SYNPR: variants seen among roughly 807,000 people sequenced by gnomAD.
SYNPR encodes the protein synaptoporin.
A neutral mutation model predicts 32.9 loss-of-function variants in SYNPR; 23 were observed. The observed-to-expected ratio is 0.70, with a 90% CI of 0.50 to 0.99. The LOEUF is 0.99. Ranked by LOEUF, SYNPR falls within the 50% of genes least tolerant of loss-of-function variation. The pLI, the probability that SYNPR is intolerant of heterozygous loss-of-function variation, is 0.00. For synonymous variants in SYNPR, 146 were observed against 135.9 expected, an observed-to-expected ratio of 1.07 and a Z score of -0.52; for missense variants, 318 against 349.3, an observed-to-expected ratio of 0.91 and a Z score of 0.71.
chr3:63,414,392 G>T (rs374399438), intron 2 of SYNPR, among the ~76,000 whole-genome samples: 1 of 152,070 alleles, frequency 6.6e-6, no homozygotes, highest in South Asian at 2.1e-4. Context: ...CTTCAGCCTT[G>T]GTTCCAAGTG....
At chr3:63,335,246 G>A (rs1369337470) in intron 2 of SYNPR, among the ~76,000 whole-genome samples, 1 of 151,774 alleles carries the variant, frequency 6.6e-6, no homozygotes, top group Non-Finnish European at 1.5e-5. Flanking sequence ...CCAGCTACTC[G>A]GGAGGCTGAG....
intron 4 of SYNPR, among the ~76,000 whole-genome samples, chr3:63,589,596 G>C (rs1265411479): frequency 1.3e-5 from 2 of 150,704 alleles, no homozygotes; most frequent in African/African-American, 4.9e-5. Context: ...ACATCAAAAA[G>C]CTTATCCACC....
chr3:63,433,375 A>G (rs1413286376), intron 2 of SYNPR, among the ~76,000 whole-genome samples: 1 of 152,218 alleles, frequency 6.6e-6, no homozygotes, highest in African/African-American at 2.4e-5. Context: ...ATTTTAAGGA[A>G]GACATTGGTA....
Position 63,406,941 on chromosome 3 carries a change from A to C in SYNPR, c.85-73891A>C, listed in dbSNP as rs138544566. ...GGCCACAGATCGGTCCATGTTGACT[A>C]TCGAGAATCTAAGGAATATTAGCTC... is the stretch of plus-strand genomic sequence containing the variant. On this transcript the variant is annotated intron_variant, in intron 2 of 5. Transcript: ENST00000478300. Among the ~76,000 whole-genome samples the C allele has an allele frequency of 3.8e-3, 586 of 152,312 alleles. 4 individuals are homozygous for C. The highest frequency in any genetic ancestry group is 6.1e-3 in the Non-Finnish European group (413 of 68,010).
At chr3:63,493,724 G>A (rs1490292020) in intron 3 of SYNPR, among the ~76,000 whole-genome samples, 5 of 146,398 alleles carry the variant, frequency 3.4e-5, no homozygotes, top group African/African-American at 1.3e-4. Context: ...GCTGAGGCAG[G>A]AGAATCACTT....
upstream of SYNPR, among the ~76,000 whole-genome samples, chr3:63,226,417 C>T (rs2086128792): frequency 6.6e-6 from 1 of 152,110 alleles, no homozygotes; most frequent in Non-Finnish European, 1.5e-5. Flanking sequence ...TTTATTGCAG[C>T]ACTATTCACA....
chr3:63,427,259 T>A (rs1699909300), intron 2 of SYNPR, among the ~76,000 whole-genome samples: 1 of 151,722 alleles, frequency 6.6e-6, no homozygotes, highest in African/African-American at 2.4e-5. Context: ...CACTGAGCTA[T>A]ATATTGATAT....
upstream of SYNPR, among the ~76,000 whole-genome samples, chr3:63,227,025 A>G (rs2086133539): frequency 6.6e-6 from 1 of 152,212 alleles, no homozygotes; most frequent in South Asian, 2.1e-4. Context: ...AATCAAAATA[A>G]AATAAAATGT....
At chr3:63,444,734 G>A (rs1700241305) in intron 2 of SYNPR, among the ~76,000 whole-genome samples, 6 of 152,038 alleles carry the variant, frequency 3.9e-5, no homozygotes, top group Middle Eastern at 3.4e-3. Flanking sequence ...GACGTGCCAC[G>A]ACTCACACAC....
At chr3:63,534,262 T>C (rs1243008083) in intron 3 of SYNPR, among the ~76,000 whole-genome samples, 5 of 152,130 alleles carry the variant, frequency 3.3e-5, no homozygotes, top group African/African-American at 9.7e-5. Flanking sequence ...CTGGAGTTGA[T>C]GAGAACATTA....
At chr3:63,530,585 T>C (rs1702094582) in intron 3 of SYNPR, among the ~76,000 whole-genome samples, 1 of 152,152 alleles carries the variant, frequency 6.6e-6, no homozygotes, top group Non-Finnish European at 1.5e-5. Flanking sequence ...AGTAGCTATA[T>C]TGCAAGGTCT....
At chr3:63,554,221 A>G (rs1702556690) in intron 3 of SYNPR, among the ~76,000 whole-genome samples, 1 of 152,214 alleles carries the variant, frequency 6.6e-6, no homozygotes, top group Non-Finnish European at 1.5e-5. Flanking sequence ...CTTCAGCTTA[A>G]TTAGGTCCCA....
chr3:63,266,647 C>A (rs2086487166), intron 2 of SYNPR, among the ~76,000 whole-genome samples: 1 of 145,262 alleles, frequency 6.9e-6, no homozygotes, highest in Non-Finnish European at 1.5e-5. Flanking sequence ...GTGGAGGTTG[C>A]AGTGAGCTGA....
intron 3 of SYNPR, among the ~76,000 whole-genome samples, chr3:63,269,477 C>G (rs1324875333): frequency 6.7e-6 from 1 of 148,498 alleles, no homozygotes; most frequent in African/African-American, 2.5e-5. Flanking sequence ...GACTCCATCT[C>G]AAAAAAGGAG....
At position 63,533,725 on chromosome 3, in the gene SYNPR, T is replaced by G. The variant is rs555368575; in HGVS notation, c.210-22818T>G. 1.6e-3 allele frequency among the ~76,000 whole-genome samples: 239 copies of G among 152,286 alleles called. 5 individuals carry two copies. The South Asian group carries it at 0.044, about 28-fold the overall frequency. ...ACTCGTGCATTGTTATAGGCATGAT[T>G]CAACTCAACCAGCCATGCTATTCAG... On this transcript the variant is annotated intron_variant, in intron 3 of 5. Coordinates refer to ENST00000478300, the MANE Select transcript of SYNPR (RefSeq NM_001130003.2).
chr3:63,353,753 T>A (rs890460027), intron 2 of SYNPR, among the ~76,000 whole-genome samples: 1 of 152,226 alleles, frequency 6.6e-6, no homozygotes, highest in African/African-American at 2.4e-5. Context: ...GGCTTCTTAA[T>A]GTTAGGAGTG....
intron 3 of SYNPR, among the ~76,000 whole-genome samples, chr3:63,546,880 G>A (rs779027480): frequency 6.6e-6 from 1 of 152,100 alleles, no homozygotes; most frequent in Non-Finnish European, 1.5e-5. Context: ...GCATGCTGTT[G>A]TTGCAAGCCT....
At chr3:63,356,861 T>C (rs2087590474) in intron 2 of SYNPR, among the ~76,000 whole-genome samples, 2 of 152,240 alleles carry the variant, frequency 1.3e-5, no homozygotes, top group African/African-American at 2.4e-5. Context: ...AGTCAATATA[T>C]GTGAGCAAAT....
upstream of SYNPR, among the ~76,000 whole-genome samples, chr3:63,276,840 C>A (rs529284348): frequency 6.6e-6 from 1 of 152,072 alleles, no homozygotes; most frequent in African/African-American, 2.4e-5. Flanking sequence ...CTGCCTCCCC[C>A]TCCCAGACAG....
Sources: allele counts gnomAD v4.1 joint callset (sites outside exome capture counted in the v4.1 genomes callset), GRCh38; gene constraint gnomAD v4.1.1; transcripts MANE v1.5; gene names NCBI Gene and HGNC (gene_info 2026-07-23, HGNC 2026-07-21).